Variants in MRPS28 observed in about 807,000 individuals in gnomAD.
The protein encoded by MRPS28 is small ribosomal subunit protein bS1m.
MRPS28 carries 7 observed loss-of-function variants against 10.8 expected under a neutral mutation model. The observed-to-expected ratio is 0.65, with a 90% CI of 0.37 to 1.22. The LOEUF (loss-of-function observed/expected upper bound fraction) is 1.22. Ranked by LOEUF, MRPS28 falls within the 50% of genes most tolerant of loss-of-function variation. MRPS28 has a pLI of 0.02. For synonymous variants in MRPS28, 121 were observed against 93.3 expected, an observed-to-expected ratio of 1.30 and a Z score of -1.71; for missense variants, 265 against 232.9, an observed-to-expected ratio of 1.14 and a Z score of -0.90.
At chr8:79,919,545 G>GCTGGTCTCAAACT (rs1399533038) in intron 2 of MRPS28, among the ~76,000 whole-genome samples, 2 of 152,058 alleles carry the variant, frequency 1.3e-5, no homozygotes, top group Non-Finnish European at 2.9e-5. Context: ...CCCAGGCCAG[G>GCTGGTCTCAAACT]CTGGTCTCAA....
At chr8:80,012,083 T>C (rs900619434) in intron 1 of MRPS28, among the ~76,000 whole-genome samples, 6 of 151,628 alleles carry the variant, frequency 4.0e-5, no homozygotes, top group Non-Finnish European at 5.9e-5. Flanking sequence ...AGTTACTTTT[T>C]ATAGGTAACT....
chr8:79,968,965 C>T (rs371829513), intron 2 of MRPS28, among the ~76,000 whole-genome samples: 58 of 152,196 alleles, frequency 3.8e-4, no homozygotes, highest in African/African-American at 9.4e-4. Flanking sequence ...GCTGCCTTCA[C>T]TGAAAATGGG....
intron 2 of MRPS28, among the ~76,000 whole-genome samples, chr8:79,949,360 G>A (rs1462407006): frequency 2.6e-5 from 4 of 151,186 alleles, no homozygotes; most frequent in Non-Finnish European, 4.4e-5. Context: ...GTTGCAGTGA[G>A]CCGAGATTGC....
In MRPS28 at chr8:80,030,086, C is replaced by G. The variant is rs565876888; in HGVS notation, c.163G>C (p.Ala55Pro). 16 of 1,613,824 alleles carry G rather than the reference C, an allele frequency of 9.9e-6. No homozygotes were observed. The African/African-American group carries it at 2.0e-4, about 20-fold the overall frequency. Residue 55 changes from alanine to proline, a missense_variant, in exon 1 of 3, where the codon GCG becomes CCG. Ala to Pro is a conservative substitution (Grantham distance 27). Transcript: ENST00000276585. ...AGAAGCTCCGAGTGCCGCTCCAACG[C>G]GCTCGCGAAACCGCCTGCGCGCGTC... ...PKTRAGGFAS[A>P]LERHSELLQK... is the part of the protein sequence containing the mutation.
chr8:79,942,998 G>C (rs1240274928), intron 2 of MRPS28, among the ~76,000 whole-genome samples: 2 of 152,156 alleles, frequency 1.3e-5, no homozygotes, highest in Non-Finnish European at 2.9e-5. Context: ...ATCAATCATT[G>C]TATTTCACTC....
At chr8:80,001,921 T>G (rs1026254641) in intron 2 of MRPS28, among the ~76,000 whole-genome samples, 5 of 152,164 alleles carry the variant, frequency 3.3e-5, no homozygotes, top group Non-Finnish European at 7.3e-5. Context: ...ACATTGGCCA[T>G]GCTGGGAGTA....
At chr8:79,976,662 C>T (rs371045322) in intron 2 of MRPS28, among the ~76,000 whole-genome samples, 22 of 152,068 alleles carry the variant, frequency 1.4e-4, no homozygotes, top group East Asian at 5.8e-4. Context: ...GCTGAGATCG[C>T]GCCACTGCAC....
At chr8:79,967,286 T>C (rs1807526877) in intron 2 of MRPS28, among the ~76,000 whole-genome samples, 1 of 152,202 alleles carries the variant, frequency 6.6e-6, no homozygotes, top group Non-Finnish European at 1.5e-5. Flanking sequence ...TCTTCTTTCT[T>C]TGGATCAGCT....
At position 79,956,016 on chromosome 8, in the gene MRPS28, C is replaced by A. The variant is rs1586057492; in HGVS notation, c.396-36868G>T. Among the ~76,000 whole-genome samples the A allele has an allele frequency of 4.6e-5, 7 of 152,246 alleles. No individual in the cohort carries two copies. In the South Asian group the frequency reaches 1.2e-3, roughly 27 times the overall value. The stretch of plus-strand genomic sequence containing the variant: ...GACCCAAGAGTTCTAGGCTTTGGGT[C>A]AAAGTTCTCTGGACCTTAGTTTCCT... On this transcript the variant is annotated intron_variant, in intron 2 of 2. Coordinates refer to ENST00000276585, the MANE Select transcript of MRPS28 (RefSeq NM_014018.3).
chr8:79,920,229 C>T lies in MRPS28; in HGVS notation c.396-1081G>A, dbSNP rs534377327. ...GGTTGGTTCCAAGTCTTTGCTATTG[C>T]GAATGGTACCGCAATAAACATACAT... is the stretch of plus-strand genomic sequence containing the variant. On this transcript the variant is annotated intron_variant, in intron 2 of 2. Coordinates refer to ENST00000276585, the MANE Select transcript of MRPS28 (RefSeq NM_014018.3). Among the ~76,000 whole-genome samples the T allele has an allele frequency of 1.6e-4, 24 of 152,064 alleles. No homozygotes were observed. In the South Asian group the frequency reaches 2.3e-3, roughly 15 times the overall value.
chr8:79,977,110 G>A (rs1807823177), intron 2 of MRPS28, among the ~76,000 whole-genome samples: 1 of 152,174 alleles, frequency 6.6e-6, no homozygotes, highest in Non-Finnish European at 1.5e-5. Flanking sequence ...AAACTTCAGT[G>A]AGAAGCTCAA....
chr8:79,959,967 C>G (rs1807331937), intron 2 of MRPS28, among the ~76,000 whole-genome samples: 1 of 152,120 alleles, frequency 6.6e-6, no homozygotes, highest in South Asian at 2.1e-4. Context: ...ACTGCCAAAT[C>G]TCCCACGGAT....
intron 2 of MRPS28, among the ~76,000 whole-genome samples, chr8:79,974,218 C>G (rs754579309): frequency 6.6e-6 from 1 of 152,066 alleles, no homozygotes; most frequent in Non-Finnish European, 1.5e-5. Flanking sequence ...TAACTAGCAC[C>G]CTCATAGAAA....
At chr8:80,004,133 G>C (rs1808752831) in intron 1 of MRPS28, among the ~76,000 whole-genome samples, 1 of 152,216 alleles carries the variant, frequency 6.6e-6, no homozygotes, top group Non-Finnish European at 1.5e-5. Context: ...GCTTTGAAGA[G>C]AGTAGTGGTT....
At chr8:80,004,093 C>T (rs980679545) in intron 1 of MRPS28, among the ~76,000 whole-genome samples, 5 of 152,210 alleles carry the variant, frequency 3.3e-5, no homozygotes, top group Admixed American at 2.6e-4. Flanking sequence ...CAGGAAAAAC[C>T]TCTGTAGACG....
At chr8:79,988,346 A>G (rs1808256526) in intron 2 of MRPS28, among the ~76,000 whole-genome samples, 1 of 151,778 alleles carries the variant, frequency 6.6e-6, no homozygotes, top group Admixed American at 6.6e-5. Flanking sequence ...TGGGTGCAGC[A>G]CACCAGCATG....
intron 2 of MRPS28, among the ~76,000 whole-genome samples, chr8:79,941,320 A>G (rs1219226733): frequency 6.6e-6 from 1 of 152,086 alleles, no homozygotes; most frequent in African/African-American, 2.4e-5. Context: ...TGATCCATTC[A>G]TTGCTCAGTC....
intron 2 of MRPS28, among the ~76,000 whole-genome samples, chr8:79,951,841 A>G (rs1344199392): frequency 6.6e-6 from 1 of 152,218 alleles, no homozygotes; most frequent in Non-Finnish European, 1.5e-5. Context: ...TATAAAACCT[A>G]TACAGGGAAA....
intron 2 of MRPS28, among the ~76,000 whole-genome samples, chr8:79,932,937 T>C (rs745384974): frequency 1.3e-5 from 2 of 152,160 alleles, no homozygotes; most frequent in African/African-American, 2.4e-5. Context: ...CCTATCAGAA[T>C]TGATGGAGGT....
Sources: allele counts gnomAD v4.1 joint callset (sites outside exome capture counted in the v4.1 genomes callset), GRCh38; gene constraint gnomAD v4.1.1; transcripts MANE v1.5; gene names NCBI Gene and HGNC (gene_info 2026-07-23, HGNC 2026-07-21).